KIF27: variants seen among roughly 807,000 people sequenced by gnomAD.
The protein encoded by KIF27 is kinesin family member 27, also known as kinesin-like protein KIF27.
Under a neutral mutation model 141.8 loss-of-function variants are expected in KIF27, and 84 were observed. The ratio of observed to expected loss-of-function variants is 0.59; its 90% CI spans 0.50 to 0.71. KIF27 has a LOEUF of 0.71. Ranked by LOEUF, KIF27 falls within the 30% of genes least tolerant of loss-of-function variation. The pLI is 0.00. For missense variants in KIF27, 1,306 were observed against 1,628.4 expected, an observed-to-expected ratio of 0.80 and a Z score of 3.41; for synonymous variants, 471 against 569.5, an observed-to-expected ratio of 0.83 and a Z score of 2.46.
chr9:83,897,210 T>C (rs896008460), intron 5 of KIF27, among the ~76,000 whole-genome samples: 5 of 152,112 alleles, frequency 3.3e-5, no homozygotes, highest in Admixed American at 2.0e-4. Context: ...CTACAAAATA[T>C]CTAGACTTAT....
At chr9:83,874,933 C>CAAAA (rs34762926) in intron 11 of KIF27, among the ~76,000 whole-genome samples, 12 of 91,352 alleles carry the variant, frequency 1.3e-4, no homozygotes, top group South Asian at 4.3e-4. Flanking sequence ...GACCTTGTCT[C>CAAAA]AAAAAAAAAA....
intron 9 of KIF27, 82 bp from the exon 10 acceptor site, chr9:83,884,100 A>C (rs185889930): frequency 2.0e-6 from 2 of 1,015,988 alleles, no homozygotes; most frequent in African/African-American, 3.3e-5. Context: ...ACTCTACTCT[A>C]AAATCCAGCC....
chr9:83,852,458 A>G (rs1338726339), intron 15 of KIF27, among the ~76,000 whole-genome samples: 2 of 151,824 alleles, frequency 1.3e-5, no homozygotes, highest in Non-Finnish European at 2.9e-5. Context: ...GTCTCAAAAA[A>G]AAAAAAAAAA....
At chr9:83,910,963 G>C (rs1955093203) in intron 2 of KIF27, among the ~76,000 whole-genome samples, 1 of 145,790 alleles carries the variant, frequency 6.9e-6, no homozygotes, top group African/African-American at 2.6e-5. Flanking sequence ...ACATACAATG[G>C]AATGTTGGAA....
intron 4 of KIF27, 96 bp downstream of exon 4, chr9:83,902,964 A>C: frequency 1.5e-6 from 1 of 661,324 alleles, no homozygotes; most frequent in East Asian, 2.8e-5. Flanking sequence ...ATCCATAACA[A>C]TGTCTAAATA....
intron 14 of KIF27, among the ~76,000 whole-genome samples, chr9:83,854,431 A>C (rs2131758828): frequency 6.6e-6 from 1 of 152,346 alleles, no homozygotes; most frequent in South Asian, 2.1e-4. Flanking sequence ...AGTATCTGAA[A>C]TATTTCATAA....
intron 13 of KIF27, among the ~76,000 whole-genome samples, chr9:83,865,116 A>AT (rs932280742): frequency 3.9e-5 from 6 of 151,938 alleles, no homozygotes; most frequent in South Asian, 2.1e-4. Flanking sequence ...TGTTGAGAAA[A>AT]TTTTTTATAT....
rs1330613749 is a variant in KIF27 at position 83,866,599 on chromosome 9, C to T, written c.2934+1085G>A. ...CAATTTAAAGTATATAACTCAAGGC[C>T]GGGCATGGTGGCTCATGCCTGTAAT... On this transcript the variant is annotated intron_variant, in intron 13 of 17. Coordinates refer to ENST00000297814, the MANE Select transcript of KIF27 (RefSeq NM_017576.4). Among the ~76,000 whole-genome samples, 9 of 152,086 alleles carry T rather than the reference C, an allele frequency of 5.9e-5. No homozygotes were observed. The East Asian group carries it at 9.7e-4, about 16-fold the overall frequency.
intron 17 of KIF27, among the ~76,000 whole-genome samples, chr9:83,839,247 A>T (rs1946283963): frequency 6.6e-6 from 1 of 152,154 alleles, no homozygotes; most frequent in Non-Finnish European, 1.5e-5. Flanking sequence ...TTAAGGAAAG[A>T]GTCTCATTGT....
chr9:83,877,186 A>G (rs1951269504), intron 11 of KIF27, among the ~76,000 whole-genome samples: 1 of 152,192 alleles, frequency 6.6e-6, no homozygotes, highest in Non-Finnish European at 1.5e-5. Flanking sequence ...CATAGTTAGC[A>G]TTTTGGCTTT....
intron 11 of KIF27, among the ~76,000 whole-genome samples, chr9:83,871,272 G>A (rs1423942274): frequency 6.6e-6 from 1 of 152,082 alleles, no homozygotes; most frequent in African/African-American, 2.4e-5. Context: ...GGTACACAGT[G>A]ATTATTTCAA....
chr9:83,878,153 C>G (rs1328981516), intron 11 of KIF27, among the ~76,000 whole-genome samples: 1 of 104,344 alleles, frequency 9.6e-6, no homozygotes. Context: ...AACAGAGAGA[C>G]TCTGTCTCAA....
chr9:83,888,578 G>A lies in KIF27; in HGVS notation c.1994C>T (p.Ser665Leu). ...AACAGAGTCTGGCTTCTGAATCCAT[G>A]AACGACTTCTACATCTTAAAAAAAA... ...EKSGTRCRSR[S>L]WIQKPDSVCS... The change falls in exon 8 of 18, where the codon TCA (serine) becomes TTA (leucine). Residue 665 changes from serine (S) to leucine (L), a missense_variant. Physicochemically the swap from Ser to Leu is moderately radical, Grantham distance 145 (BLOSUM62 -2). Around this residue, in one of 4 missense-constraint regions of KIF27, gnomAD observed 596 missense variants for 751.6 expected, o/e 0.79. Coordinates refer to ENST00000297814, the MANE Select transcript of KIF27 (RefSeq NM_017576.4). 3.1e-6 allele frequency: 5 copies of A among 1,589,250 alleles called. No individual in the cohort carries two copies. Among genetic ancestry groups the A allele is most frequent in the Non-Finnish European group, 3.4e-6 (4 of 1,163,458 alleles).
chr9:83,856,664 C>G (rs1949236190), intron 14 of KIF27, among the ~76,000 whole-genome samples: 1 of 150,148 alleles, frequency 6.7e-6, no homozygotes, highest in Non-Finnish European at 1.5e-5. Flanking sequence ...TCGCTTGAAC[C>G]AGGCAGGCGG....
chr9:83,921,043 C>T (rs1956221223), intron 1 of KIF27, among the ~76,000 whole-genome samples: 1 of 152,174 alleles, frequency 6.6e-6, no homozygotes, highest in South Asian at 2.1e-4. Flanking sequence ...AGGCCGGGTC[C>T]CGCGTTCCGG....
intron 2 of KIF27, among the ~76,000 whole-genome samples, chr9:83,914,451 T>C (rs1448964089): frequency 1.3e-5 from 2 of 152,258 alleles, no homozygotes; most frequent in Admixed American, 6.5e-5. Context: ...CTCCCATCCA[T>C]GCATTTAATG....
At position 83,903,946 on chromosome 9, in the gene KIF27, G is replaced by A. The variant is rs147985902; in HGVS notation, c.572C>T (p.Ala191Val). Residue 191 changes from alanine to valine, a missense_variant, in exon 4 of 18, where the codon GCA becomes GTA. By Grantham distance (64) the Ala-to-Val change is moderately conservative. Around this residue, in one of 4 missense-constraint regions of KIF27, gnomAD observed 533 missense variants for 565.6 expected, o/e 0.94. Transcript: ENST00000297814. ...TTGAGTGGTACCTGTATGTCTGGCT[G>A]CATTCCCCATCTCCAAAAGACTCAT... ...EVMSLLEMGNAARHTGTTQMN... is the reference protein window; with the variant it reads ...EVMSLLEMGNVARHTGTTQMN... 2.5e-5 allele frequency: 41 copies of A among 1,614,094 alleles called. No individual in the cohort carries two copies. In the African/African-American group the frequency reaches 5.2e-4, roughly 20 times the overall value.
At chr9:83,891,202 A>G in intron 6 of KIF27, 93 bp downstream of exon 6, 1 of 988,308 alleles carries the variant, frequency 1.0e-6, no homozygotes, top group African/African-American at 1.6e-5. Flanking sequence ...CAAACAAAAA[A>G]AATCTGCTGA....
chr9:83,891,862 G>C (rs908922373), intron 5 of KIF27, among the ~76,000 whole-genome samples: 8 of 152,302 alleles, frequency 5.3e-5, no homozygotes, highest in African/African-American at 1.9e-4. Flanking sequence ...AAACAAGAAA[G>C]TTCAAAAAGT....
Sources: gnomAD v4.1 joint callset for allele counts (sites outside exome capture counted in the v4.1 genomes callset) on GRCh38, gnomAD v4.1.1 for gene constraint, gnomAD v4.1.1 regional missense constraint, MANE v1.5 for transcripts, NCBI Gene and HGNC (gene_info 2026-07-23, HGNC 2026-07-21) for gene names.